Variants in RYR2 observed in about 807,000 individuals in gnomAD.
RYR2 encodes the protein cardiac muscle ryanodine receptor-calcium release channel.
RYR2 carries 227 observed loss-of-function variants against 601.1 expected under a neutral mutation model. The ratio of observed to expected loss-of-function variants is 0.38; its 90% CI spans 0.34 to 0.42. The LOEUF is 0.42. Ranked by LOEUF, RYR2 falls within the 10% of genes least tolerant of loss-of-function variation. RYR2 has a pLI of 1.00. For missense variants in RYR2, 4,646 were observed against 6,156.5 expected (o/e 0.75, Z 8.21); for synonymous variants, 2,223 against 2,175.1 (o/e 1.02, Z -0.61).
At chr1:237,212,516 G>T (rs1027750627) in intron 1 of RYR2, among the ~76,000 whole-genome samples, 4 of 152,044 alleles carry the variant, frequency 2.6e-5, no homozygotes, top group Non-Finnish European at 5.9e-5. Context: ...GCTGCGGGAG[G>T]ATCAATTGAG....
chr1:237,682,879 G>C (rs1474778435), intron 62 of RYR2, among the ~76,000 whole-genome samples: 2 of 152,166 alleles, frequency 1.3e-5, no homozygotes, highest in African/African-American at 2.4e-5. Flanking sequence ...GTACTTTAGT[G>C]CCAAACATAG....
chr1:237,692,009 T>C (rs893141975), intron 63 of RYR2, among the ~76,000 whole-genome samples: 1 of 152,226 alleles, frequency 6.6e-6, no homozygotes, highest in Non-Finnish European at 1.5e-5. Flanking sequence ...AGTTAGAGGA[T>C]ACATTAGCCC....
At chr1:237,228,366 A>G (rs1684623600) in intron 1 of RYR2, among the ~76,000 whole-genome samples, 1 of 152,068 alleles carries the variant, frequency 6.6e-6, no homozygotes, top group African/African-American at 2.4e-5. Flanking sequence ...TTCTTTATCC[A>G]TTCTTTGATT....
chr1:237,498,851 A>C (rs1664343108), intron 20 of RYR2, among the ~76,000 whole-genome samples: 2 of 152,210 alleles, frequency 1.3e-5, no homozygotes, highest in Admixed American at 1.3e-4. Flanking sequence ...GGAGAAAAGC[A>C]TCTTGAAATT....
chr1:237,313,015 A>C (rs1694725462), intron 2 of RYR2, among the ~76,000 whole-genome samples: 1 of 152,190 alleles, frequency 6.6e-6, no homozygotes. Flanking sequence ...AAGATATTTA[A>C]TATAAGATAT....
intron 1 of RYR2, among the ~76,000 whole-genome samples, chr1:237,222,270 G>A (rs1360898251): frequency 1.3e-5 from 2 of 152,024 alleles, no homozygotes; most frequent in Non-Finnish European, 2.9e-5. Context: ...AAAATTAGCT[G>A]GGCGTGGTGG....
intron 2 of RYR2, among the ~76,000 whole-genome samples, chr1:237,290,098 C>T (rs750470635): frequency 5.3e-5 from 8 of 152,060 alleles, no homozygotes; most frequent in African/African-American, 1.2e-4. Flanking sequence ...ATGTTTGGGG[C>T]AGTTTTACTC....
intron 17 of RYR2, among the ~76,000 whole-genome samples, chr1:237,488,949 C>T (rs771331862): frequency 1.1e-4 from 17 of 152,022 alleles, no homozygotes; most frequent in Admixed American, 4.6e-4. Context: ...TTTGGAGAGA[C>T]GAAAACATTC....
Position 237,445,525 on chromosome 1 carries a change from A to G in RYR2, c.1292+3A>G, listed in dbSNP as rs1572361996. On this transcript the variant is annotated splice_donor_region_variant and intron_variant, in intron 14 of 104. Transcript: ENST00000366574. ...TTCCTTTTCAATAGATTTATAAGGT[A>G]CTTTTTCTTTTGTAGGCGTAGTTGT... The G allele has an allele frequency of 6.2e-7, 1 of 1,613,226 alleles. No individual in the cohort carries two copies. Among genetic ancestry groups the G allele is most frequent in the Non-Finnish European group, 8.5e-7 (1 of 1,179,452 alleles).
At chr1:237,511,643 C>T in intron 23 of RYR2, 45 bp from the exon 24 acceptor site, 1 of 1,410,786 alleles carries the variant, frequency 7.1e-7, no homozygotes, top group Non-Finnish European at 9.8e-7. Context: ...TTGCTAGTGC[C>T]TGGCATTGGA....
chr1:237,593,692 C>G (rs994692182), intron 33 of RYR2, 56 bp downstream of exon 33: 4 of 1,534,980 alleles, frequency 2.6e-6, no homozygotes, highest in South Asian at 1.1e-5. Context: ...ATTGGTGAAC[C>G]TAGCTATTCC....
At chr1:237,603,441 G>T (rs1005461957) in intron 35 of RYR2, among the ~76,000 whole-genome samples, 3 of 152,176 alleles carry the variant, frequency 2.0e-5, no homozygotes, top group Admixed American at 2.0e-4. Context: ...AGGGGCTCTT[G>T]CTTCTGGCGC....
At chr1:237,065,583 C>T (rs1406825615) in intron 1 of RYR2, among the ~76,000 whole-genome samples, 1 of 152,116 alleles carries the variant, frequency 6.6e-6, no homozygotes. Flanking sequence ...CCGTGCCTGG[C>T]CTGCTATCCT....
Position 237,833,793 on chromosome 1 carries a change from A to G in RYR2, c.*1146A>G, listed in dbSNP as rs138220876. The G allele has an allele frequency of 2.0e-5, 3 of 152,776 alleles. No homozygotes were observed. Among genetic ancestry groups the G allele is most frequent in the African/African-American group, 7.2e-5 (3 of 41,592 alleles). The allele number at this position is 152,776 out of a possible 1,614,324, so 9.5% of individuals were successfully genotyped here. On this transcript the variant is annotated 3_prime_UTR_variant, in exon 105 of 105. Transcript: ENST00000366574. ...CAGGGATTTCATCAGTTGCATCACA[A>G]AACACGGATGATAATATACATCACT...
chr1:237,601,193 C>T (rs1676460602), intron 34 of RYR2, among the ~76,000 whole-genome samples: 1 of 152,018 alleles, frequency 6.6e-6, no homozygotes, highest in Non-Finnish European at 1.5e-5. Context: ...AAGTGCCCAT[C>T]AATGGATTAG....
At position 237,726,426 on chromosome 1, in the gene RYR2, T is replaced by G. The variant is rs1253004665; in HGVS notation, c.10725+118T>G. 4.4e-6 allele frequency: 3 copies of G among 677,492 alleles called. No individual in the cohort carries two copies. The African/African-American group carries it at 5.5e-5, about 12-fold the overall frequency. 42.0% of individuals were successfully genotyped at this position (677,492 alleles called of 1,614,324 possible). A position where few individuals can be genotyped will look rare whatever the true frequency, so the allele number is the denominator to read the frequency against. On this transcript the variant is annotated intron_variant, in intron 75 of 104. Transcript: ENST00000366574. ...CTCTTAGAGTTCCAAACACTATTAG[T>G]TATATAAATAACTTGCTTGCATCAT...
At chr1:237,108,851 A>G (rs1669085618) in intron 1 of RYR2, among the ~76,000 whole-genome samples, 1 of 152,192 alleles carries the variant, frequency 6.6e-6, no homozygotes, top group Admixed American at 6.5e-5. Context: ...GGTATTTCTG[A>G]GCAAGCTCAG....
At chr1:237,208,593 A>G (rs895278053) in intron 1 of RYR2, among the ~76,000 whole-genome samples, 16 of 152,050 alleles carry the variant, frequency 1.1e-4, no homozygotes, top group African/African-American at 3.6e-4. Flanking sequence ...GTCAAAAATT[A>G]TATATATTCA....
At chr1:237,505,623 A>C (rs1322324761) in intron 22 of RYR2, among the ~76,000 whole-genome samples, 1 of 152,240 alleles carries the variant, frequency 6.6e-6, no homozygotes, top group Non-Finnish European at 1.5e-5. Context: ...GGAGACTAGA[A>C]ATGAACAACT....
Sources: allele counts gnomAD v4.1 joint callset (sites outside exome capture counted in the v4.1 genomes callset), GRCh38; gene constraint gnomAD v4.1.1; transcripts MANE v1.5; gene names NCBI Gene and HGNC (gene_info 2026-07-23, HGNC 2026-07-21).